The following CADPS2 variants were observed in gnomAD, a reference collection of about 807,000 sequenced individuals.
The protein encoded by CADPS2 is calcium-dependent secretion activator 2.
In CADPS2, 93 loss-of-function variants were observed where a neutral mutation model predicts 172.5. The ratio of observed to expected loss-of-function variants is 0.54; its 90% CI spans 0.46 to 0.64. The LOEUF (loss-of-function observed/expected upper bound fraction) is 0.64, where lower values mean the gene tolerates loss of function less well. Ranked by LOEUF, CADPS2 falls within the 30% of genes least tolerant of loss-of-function variation. The pLI is 0.00. For synonymous variants in CADPS2, 546 were observed against 555.2 expected, an observed-to-expected ratio of 0.98 and a Z score of 0.23; for missense variants, 1,420 against 1,565.9, an observed-to-expected ratio of 0.91 and a Z score of 1.57.
chr7:122,499,105 C>T (rs2058992403), intron 9 of CADPS2, among the ~76,000 whole-genome samples: 1 of 152,202 alleles, frequency 6.6e-6, no homozygotes, highest in African/African-American at 2.4e-5. Flanking sequence ...TCTTTAAGTA[C>T]AAGCTAACAG....
At chr7:122,806,104 C>G (rs1798744097) in intron 1 of CADPS2, among the ~76,000 whole-genome samples, 1 of 152,100 alleles carries the variant, frequency 6.6e-6, no homozygotes, top group African/African-American at 2.4e-5. Context: ...TTTGGATTTT[C>G]TTAATGTGGC....
At chr7:122,407,078 T>C (rs1286837661) in intron 20 of CADPS2, among the ~76,000 whole-genome samples, 1 of 152,194 alleles carries the variant, frequency 6.6e-6, no homozygotes, top group East Asian at 1.9e-4. Context: ...CACACAGCAA[T>C]ATCTCCCTAT....
chr7:122,696,052 T>C (rs550621140), intron 2 of CADPS2, among the ~76,000 whole-genome samples: 1 of 152,318 alleles, frequency 6.6e-6, no homozygotes, highest in Admixed American at 6.5e-5. Context: ...ATAGCTCTAG[T>C]GATTTTCTTG....
chr7:122,639,900 C>G (rs1277364280), intron 3 of CADPS2, among the ~76,000 whole-genome samples: 2 of 152,146 alleles, frequency 1.3e-5, no homozygotes, highest in African/African-American at 4.8e-5. Context: ...TAAGCAGCAT[C>G]TAGTCTCTGA....
chr7:122,743,864 G>A (rs1267350410), intron 1 of CADPS2, among the ~76,000 whole-genome samples: 3 of 152,118 alleles, frequency 2.0e-5, no homozygotes, highest in Non-Finnish European at 4.4e-5. Flanking sequence ...AAATAACAAT[G>A]CATCCCAAGC....
intron 6 of CADPS2, among the ~76,000 whole-genome samples, chr7:122,610,323 T>TAAA (rs11459230): frequency 1.3e-5 from 2 of 150,204 alleles, no homozygotes; most frequent in African/African-American, 4.9e-5. Flanking sequence ...TTACTATTTG[T>TAAA]AAAAAAAAAG....
chr7:122,612,293 A>C (rs943380921), intron 6 of CADPS2, among the ~76,000 whole-genome samples: 1 of 152,042 alleles, frequency 6.6e-6, no homozygotes, highest in African/African-American at 2.4e-5. Context: ...TGTACATAGA[A>C]AAGTCTACAA....
intron 25 of CADPS2, among the ~76,000 whole-genome samples, chr7:122,369,383 A>G (rs1463685890): frequency 1.3e-5 from 2 of 151,964 alleles, no homozygotes; most frequent in African/African-American, 4.8e-5. Context: ...CGCCTGCCTC[A>G]GCCTCCCAAA....
At chr7:122,372,659 C>A (rs188030365) in intron 25 of CADPS2, among the ~76,000 whole-genome samples, 1 of 152,090 alleles carries the variant, frequency 6.6e-6, no homozygotes, top group African/African-American at 2.4e-5. Flanking sequence ...ATCTGGGATA[C>A]GAGAAATTCA....
chr7:122,642,286 A>C (rs2077742590), intron 3 of CADPS2, among the ~76,000 whole-genome samples: 1 of 151,730 alleles, frequency 6.6e-6, no homozygotes, highest in East Asian at 1.9e-4. Context: ...TCTCAAAAAA[A>C]AAAAAAAAAG....
intron 3 of CADPS2, among the ~76,000 whole-genome samples, chr7:122,643,970 T>A (rs2077997768): frequency 6.6e-6 from 1 of 151,984 alleles, no homozygotes; most frequent in Non-Finnish European, 1.5e-5. Flanking sequence ...ATGCCTGTAA[T>A]CCCATGTACT....
chr7:122,840,140 G>T (rs1211873035), intron 1 of CADPS2, among the ~76,000 whole-genome samples: 1 of 152,148 alleles, frequency 6.6e-6, no homozygotes, highest in Non-Finnish European at 1.5e-5. Context: ...GGACATGGAT[G>T]AAGCTGGAAA....
chr7:122,625,713 C>T (rs1261389937), intron 4 of CADPS2, among the ~76,000 whole-genome samples: 1 of 152,032 alleles, frequency 6.6e-6, no homozygotes, highest in Non-Finnish European at 1.5e-5. Context: ...CTGGACTTGC[C>T]AGTGCCCACA....
At chr7:122,473,193 A>G (rs538870645) in intron 13 of CADPS2, among the ~76,000 whole-genome samples, 6 of 152,316 alleles carry the variant, frequency 3.9e-5, no homozygotes, top group African/African-American at 1.2e-4. Context: ...GTTTTGGCCA[A>G]TCAAAGGTGG....
At chr7:122,494,077 A>AG (rs1278429920) in intron 9 of CADPS2, among the ~76,000 whole-genome samples, 1 of 152,162 alleles carries the variant, frequency 6.6e-6, no homozygotes, top group Non-Finnish European at 1.5e-5. Context: ...TAAGTAAAGG[A>AG]GATTATCGTC....
chr7:122,658,910 A>G (rs1028682764), intron 3 of CADPS2, among the ~76,000 whole-genome samples: 1 of 151,864 alleles, frequency 6.6e-6, no homozygotes, highest in Non-Finnish European at 1.5e-5. Flanking sequence ...AGGAGATTTA[A>G]TAATATGTAA....
intron 1 of CADPS2, among the ~76,000 whole-genome samples, chr7:122,811,165 G>A (rs1318436611): frequency 6.6e-6 from 1 of 152,118 alleles, no homozygotes; most frequent in African/African-American, 2.4e-5. Flanking sequence ...CTGTCCACAG[G>A]CAATGTGCTA....
intron 10 of CADPS2, among the ~76,000 whole-genome samples, chr7:122,490,870 T>A (rs1351033341): frequency 6.6e-6 from 1 of 152,144 alleles, no homozygotes; most frequent in African/African-American, 2.4e-5. Context: ...TTCAATTTTT[T>A]AAATATCAGG....
intron 6 of CADPS2, among the ~76,000 whole-genome samples, chr7:122,592,851 G>T (rs1231472999): frequency 6.9e-6 from 1 of 144,928 alleles, no homozygotes; most frequent in South Asian, 2.2e-4. Flanking sequence ...GATGGGGGGA[G>T]GGGGGAGGAA....
Sources: allele counts gnomAD v4.1 joint callset (sites outside exome capture counted in the v4.1 genomes callset), GRCh38; gene constraint gnomAD v4.1.1; transcripts MANE v1.5; gene names NCBI Gene and HGNC (gene_info 2026-07-23, HGNC 2026-07-21).